Variants in IQCM observed in about 807,000 individuals in gnomAD.
IQCM encodes the protein IQ motif containing M.
Under a neutral mutation model 57.6 loss-of-function variants are expected in IQCM, and 45 were observed. The observed-to-expected ratio is 0.78, with a 90% confidence interval of 0.62 to 1.00. The LOEUF (loss-of-function observed/expected upper bound fraction) is 1.00, where lower values mean the gene tolerates loss of function less well. Among genes scored for constraint, IQCM ranks in the 50% least tolerant of loss-of-function variants. The probability of loss-of-function intolerance (pLI) is 0.00; values close to 1 mark genes in which losing one functional copy is unlikely to be tolerated. For missense variants in IQCM, 468 were observed against 511.6 expected (o/e 0.91, Z 0.82); for synonymous variants, 148 against 158.9 (o/e 0.93, Z 0.51).
At chr4:149,381,874 G>C (rs1202023487) in intron 13 of IQCM, among the ~76,000 whole-genome samples, 1 of 151,974 alleles carries the variant, frequency 6.6e-6, no homozygotes, top group Admixed American at 6.6e-5. Flanking sequence ...TCCCGGGTTT[G>C]AGTGATTCTC....
chr4:149,576,698 A>G (rs1283335702), intron 9 of IQCM, among the ~76,000 whole-genome samples: 2 of 151,984 alleles, frequency 1.3e-5, no homozygotes, highest in Admixed American at 1.3e-4. Context: ...TAGCATTGCC[A>G]TGAACATACA....
At chr4:149,415,901 G>A (rs902962819) in intron 13 of IQCM, among the ~76,000 whole-genome samples, 21 of 152,038 alleles carry the variant, frequency 1.4e-4, no homozygotes, top group South Asian at 4.1e-4. Context: ...GGGGCCTGTC[G>A]TGGGGTGGAG....
At chr4:149,703,529 T>C (rs1029575054) in intron 5 of IQCM, among the ~76,000 whole-genome samples, 2 of 151,970 alleles carry the variant, frequency 1.3e-5, no homozygotes, top group Admixed American at 6.6e-5. Flanking sequence ...ATGGTCTCTA[T>C]ACAGACCAAT....
chr4:149,356,858 T>C (rs2110888367), intron 13 of IQCM, among the ~76,000 whole-genome samples: 1 of 152,348 alleles, frequency 6.6e-6, no homozygotes, highest in East Asian at 1.9e-4. Context: ...TTCATCATAT[T>C]GATTCTTCCT....
At chr4:149,620,156 C>T (rs1756202841) in intron 8 of IQCM, among the ~76,000 whole-genome samples, 1 of 137,388 alleles carries the variant, frequency 7.3e-6, no homozygotes, top group African/African-American at 2.5e-5. Flanking sequence ...GACTCCGTCT[C>T]AAAAACAAAA....
intron 12 of IQCM, among the ~76,000 whole-genome samples, chr4:149,485,339 T>G (rs1216255369): frequency 6.6e-6 from 1 of 151,972 alleles, no homozygotes; most frequent in African/African-American, 2.4e-5. Context: ...AGCCAATAAT[T>G]CTTATATTTG....
chr4:149,522,843 A>G (rs1350042521), intron 12 of IQCM, among the ~76,000 whole-genome samples: 4 of 152,226 alleles, frequency 2.6e-5, no homozygotes, highest in African/African-American at 9.6e-5. Flanking sequence ...TATTGGGACT[A>G]TAAGAAAATA....
chr4:149,636,170 A>G (rs1225429710), intron 7 of IQCM, among the ~76,000 whole-genome samples: 1 of 152,214 alleles, frequency 6.6e-6, no homozygotes, highest in Admixed American at 6.5e-5. Flanking sequence ...GATGATCTGC[A>G]ATGCAAAGTT....
At chr4:149,476,381 G>A (rs1180110822) in intron 12 of IQCM, among the ~76,000 whole-genome samples, 1 of 152,150 alleles carries the variant, frequency 6.6e-6, no homozygotes, top group Non-Finnish European at 1.5e-5. Context: ...TCTCCATGAT[G>A]AGTAAGGATT....
intron 8 of IQCM, among the ~76,000 whole-genome samples, chr4:149,609,282 T>C (rs1046389518): frequency 3.3e-5 from 5 of 151,888 alleles, no homozygotes; most frequent in Admixed American, 3.3e-4. Flanking sequence ...CAGGACCTGA[T>C]GGCTTCACTG....
At chr4:149,509,204 G>A (rs1744149780) in intron 12 of IQCM, among the ~76,000 whole-genome samples, 1 of 152,160 alleles carries the variant, frequency 6.6e-6, no homozygotes, top group South Asian at 2.1e-4. Flanking sequence ...CCTGAGCTAG[G>A]GGTATGGGAG....
At chr4:149,703,494 A>T (rs1228435759) in intron 5 of IQCM, among the ~76,000 whole-genome samples, 1 of 151,944 alleles carries the variant, frequency 6.6e-6, no homozygotes, top group Admixed American at 6.6e-5. Flanking sequence ...GTGTTGGTAC[A>T]GACAATAGGC....
At chr4:149,481,697 T>TTTTGTTTTTTTTTTTTTTG (rs1740810107) in intron 12 of IQCM, among the ~76,000 whole-genome samples, 1 of 91,070 alleles carries the variant, frequency 1.1e-5, no homozygotes, top group African/African-American at 3.9e-5. Context: ...ATTCTTCCAG[T>TTTTGTTTTTTTTTTTTTTG]TTTGTTTTTT....
intron 2 of IQCM, among the ~76,000 whole-genome samples, chr4:149,812,573 T>C (rs1774682089): frequency 6.6e-6 from 1 of 151,042 alleles, no homozygotes; most frequent in African/African-American, 2.4e-5. Flanking sequence ...CAAACAGTAT[T>C]TACAGAGTAT....
At chr4:149,368,865 T>C (rs1289617555) in intron 13 of IQCM, among the ~76,000 whole-genome samples, 2 of 83,274 alleles carry the variant, frequency 2.4e-5, no homozygotes. Context: ...TGTATATATA[T>C]ACATATATAC....
In IQCM at chr4:149,444,161, A is replaced by T. The variant is rs558809035; in HGVS notation, c.1229-10604T>A. ...GAGAAAGGCTACATATATTTATATT[A>T]TCTTCCTCTATTATCCAGATGAATT... On this transcript the variant is annotated intron_variant, in intron 12 of 13. Transcript: ENST00000636793. Among the ~76,000 whole-genome samples the T allele has an allele frequency of 3.3e-5, 5 of 152,078 alleles. No homozygotes were observed. In the East Asian group the frequency reaches 9.7e-4, roughly 30 times the overall value.
chr4:149,611,601 C>T (rs1455372553), intron 8 of IQCM, among the ~76,000 whole-genome samples: 7 of 152,060 alleles, frequency 4.6e-5, no homozygotes, highest in South Asian at 2.1e-4. Flanking sequence ...AAATATTGTA[C>T]GTTCTCACTC....
intron 7 of IQCM, among the ~76,000 whole-genome samples, chr4:149,638,715 A>G (rs1189020040): frequency 6.6e-6 from 1 of 152,200 alleles, no homozygotes. Context: ...AGCTTAGCCT[A>G]GGTAGATCCA....
chr4:149,533,346 A>G (rs1746941218), intron 12 of IQCM, among the ~76,000 whole-genome samples: 1 of 152,098 alleles, frequency 6.6e-6, no homozygotes, highest in East Asian at 1.9e-4. Context: ...ATATAAGAGA[A>G]CTGAATCTCC....
Sources: allele counts gnomAD v4.1 joint callset (sites outside exome capture counted in the v4.1 genomes callset), GRCh38; gene constraint gnomAD v4.1.1; transcripts MANE v1.5; gene names NCBI Gene and HGNC (gene_info 2026-07-23, HGNC 2026-07-21).